The following SOX6 variants were observed in gnomAD, a reference collection of about 807,000 sequenced individuals.
SOX6 encodes transcription factor SOX-6.
Under a neutral mutation model 97.8 loss-of-function variants are expected in SOX6, and 11 were observed. The observed-to-expected ratio is 0.11, with a 90% CI of 0.07 to 0.19. The LOEUF is 0.19. SOX6 is among the 10% of genes least tolerant of loss of function. The pLI, the probability that SOX6 is intolerant of heterozygous loss-of-function variation, is 1.00. For missense variants in SOX6, 810 were observed against 1,039.5 expected, an observed-to-expected ratio of 0.78 and a Z score of 3.04; for synonymous variants, 360 against 371.4, an observed-to-expected ratio of 0.97 and a Z score of 0.35.
chr11:16,019,060 T>A (rs1672111982), intron 12 of SOX6, among the ~76,000 whole-genome samples: 1 of 152,116 alleles, frequency 6.6e-6, no homozygotes, highest in South Asian at 2.1e-4. Flanking sequence ...ACAAGCCTTT[T>A]TCAAACCATA....
intron 2 of SOX6, among the ~76,000 whole-genome samples, chr11:16,724,176 T>C (rs987226444): frequency 1.9e-4 from 29 of 152,316 alleles, no homozygotes; most frequent in African/African-American, 6.7e-4. Flanking sequence ...GAGGTAAGCA[T>C]CCCAAATTTG....
intron 4 of SOX6, among the ~76,000 whole-genome samples, chr11:16,577,720 A>T (rs186860539): frequency 1.3e-5 from 2 of 152,278 alleles, no homozygotes; most frequent in African/African-American, 4.8e-5. Flanking sequence ...TCCATTTGTA[A>T]ATCGTATTTG....
intron 4 of SOX6, among the ~76,000 whole-genome samples, chr11:16,571,317 A>T (rs1847935697): frequency 6.6e-6 from 1 of 152,234 alleles, no homozygotes. Context: ...GTTCTTAATG[A>T]TTTAAAGGAT....
chr11:16,415,738 C>T lies in SOX6; in HGVS notation c.-5+60577G>A, dbSNP rs550973250. Among the ~76,000 whole-genome samples, 3 of 152,202 alleles carry T rather than the reference C, an allele frequency of 2.0e-5. No homozygotes were observed. The South Asian group carries it at 6.2e-4, about 32-fold the overall frequency. On this transcript the variant is annotated intron_variant, in intron 1 of 15. Transcript: ENST00000396356. ...TGCACAAAGAACACCATGGAATACA[C>T]AGGCAGAATAAATGATCAATCACGA...
intron 1 of SOX6, among the ~76,000 whole-genome samples, chr11:16,469,598 T>C (rs975180484): frequency 6.6e-6 from 1 of 152,152 alleles, no homozygotes; most frequent in Non-Finnish European, 1.5e-5. Flanking sequence ...CATTAAGGTC[T>C]CCAACAATGG....
At chr11:15,984,379 C>T (rs1179307770) in intron 15 of SOX6, among the ~76,000 whole-genome samples, 1 of 152,094 alleles carries the variant, frequency 6.6e-6, no homozygotes, top group Non-Finnish European at 1.5e-5. Context: ...GGAACAGCCC[C>T]ACTATGTATC....
intron 5 of SOX6, among the ~76,000 whole-genome samples, chr11:16,185,897 C>T (rs1455113): frequency 0.49 from 74,280 of 151,790 alleles, 18,477 homozygotes; most frequent in Middle Eastern, 0.66. Context: ...ATCAACAGAG[C>T]ATATATTGCT....
rs751766434 is a variant in SOX6 at position 16,297,144 on chromosome 11, CTAA to C, written c.445+21299_445+21301del. ...AGAATGCAAAATAACATTTAATTAACTAATGTTACTTTCATAAAGTAATAATCA... is the reference window on the plus strand; with the variant it reads ...AGAATGCAAAATAACATTTAATTAACTGTTACTTTCATAAAGTAATAATCA... On this transcript the variant is annotated intron_variant, in intron 3 of 15. Coordinates refer to ENST00000683767, the MANE Select transcript of SOX6 (RefSeq NM_001367873.1). Among the ~76,000 whole-genome samples the C allele has an allele frequency of 1.4e-4, 21 of 152,126 alleles. No homozygotes were observed. The East Asian group carries it at 3.1e-3, about 22-fold the overall frequency.
At chr11:16,397,749 C>T (rs1388533791) in intron 1 of SOX6, among the ~76,000 whole-genome samples, 1 of 151,542 alleles carries the variant, frequency 6.6e-6, no homozygotes, top group Non-Finnish European at 1.5e-5. Context: ...ATCAGCCTTA[C>T]ACTAAAAGGT....
Position 16,724,768 on chromosome 11 carries a change from C to T in SOX6, n.354-9863G>A, listed in dbSNP as rs759829189. Among the ~76,000 whole-genome samples the T allele has an allele frequency of 4.6e-5, 7 of 152,288 alleles. 1 individual carries two copies. In the South Asian group the frequency reaches 8.3e-4, roughly 18 times the overall value. On this transcript the variant is annotated intron_variant and non_coding_transcript_variant, in intron 2 of 5. Transcript: ENST00000524520. ...ATTCATTAGTATACTTGGTGTTTTG[C>T]ACATCTCATCTTTTGTCATAAAACT...
intron 13 of SOX6, among the ~76,000 whole-genome samples, chr11:16,005,085 A>G (rs1313994016): frequency 5.3e-5 from 8 of 152,102 alleles, no homozygotes; most frequent in African/African-American, 1.9e-4. Flanking sequence ...TACCAAGAAC[A>G]TAGGAGGTGC....
chr11:16,395,513 C>T (rs950538419), intron 1 of SOX6, among the ~76,000 whole-genome samples: 7 of 151,688 alleles, frequency 4.6e-5, no homozygotes, highest in African/African-American at 1.5e-4. Flanking sequence ...GTCCAAGAAA[C>T]TGTCACTAGA....
chr11:16,566,756 GGAA>G (rs1459742740), intron 4 of SOX6, among the ~76,000 whole-genome samples: 5 of 152,332 alleles, frequency 3.3e-5, no homozygotes, highest in African/African-American at 1.2e-4. Flanking sequence ...CAGCTACTGT[GGAA>G]AACAGTTTGG....
At chr11:16,097,257 T>C (rs139520923) in intron 8 of SOX6, among the ~76,000 whole-genome samples, 429 of 152,006 alleles carry the variant, frequency 2.8e-3, no homozygotes, top group Middle Eastern at 0.014. Flanking sequence ...TTTGTTTCAA[T>C]TTTTATATGC....
At chr11:16,349,695 AG>A (rs1403452641) in intron 1 of SOX6, among the ~76,000 whole-genome samples, 57 of 53,284 alleles carry the variant, frequency 1.1e-3, no homozygotes, top group African/African-American at 1.5e-3. Flanking sequence ...GAAGGAAGGA[AG>A]GAAGGAAGGA....
intron 9 of SOX6, among the ~76,000 whole-genome samples, chr11:16,072,958 G>A (rs983530577): frequency 6.6e-6 from 1 of 152,166 alleles, no homozygotes; most frequent in Non-Finnish European, 1.5e-5. Context: ...GCTAAATGTG[G>A]AAAGGAAAGA....
chr11:16,554,341 C>T (rs546585307), intron 4 of SOX6, among the ~76,000 whole-genome samples: 5 of 152,202 alleles, frequency 3.3e-5, no homozygotes, highest in African/African-American at 1.2e-4. Flanking sequence ...AACAGAATGA[C>T]CTGGAATTTA....
At chr11:16,214,014 C>T (rs1002876599) in intron 4 of SOX6, among the ~76,000 whole-genome samples, 8 of 152,084 alleles carry the variant, frequency 5.3e-5, no homozygotes, top group Non-Finnish European at 8.8e-5. Context: ...GAACACTGTC[C>T]AATAGAGCTT....
chr11:16,565,819 G>A (rs970218209), intron 4 of SOX6, among the ~76,000 whole-genome samples: 11 of 150,356 alleles, frequency 7.3e-5, no homozygotes, highest in South Asian at 6.3e-4. Context: ...CACATAGGCC[G>A]GGCGCAGTGG....
Sources: gnomAD v4.1 joint callset for allele counts (sites outside exome capture counted in the v4.1 genomes callset) on GRCh38, gnomAD v4.1.1 for gene constraint, MANE v1.5 for transcripts, NCBI Gene and HGNC (gene_info 2026-07-23, HGNC 2026-07-21) for gene names.